The following OR9Q1 variants were observed in gnomAD, a reference collection of about 807,000 sequenced individuals.
OR9Q1 encodes olfactory receptor 9Q1.
For missense variants in OR9Q1, 374 were observed against 378.8 expected (o/e 0.99, Z 0.11); for synonymous variants, 153 against 148.6 (o/e 1.03, Z -0.22).
At chr11:58,158,565 C>A (rs1204100672) in intron 2 of OR9Q1, among the ~76,000 whole-genome samples, 1 of 152,024 alleles carries the variant, frequency 6.6e-6, no homozygotes, top group Non-Finnish European at 1.5e-5. Flanking sequence ...CCAATCCTTA[C>A]CATAAGTCTC....
At chr11:58,033,511 T>C (rs1188674852) in intron 1 of OR9Q1, among the ~76,000 whole-genome samples, 1 of 152,126 alleles carries the variant, frequency 6.6e-6, no homozygotes, top group Admixed American at 6.5e-5. Flanking sequence ...AAACTGAAAA[T>C]CAAATATTTT....
intron 2 of OR9Q1, among the ~76,000 whole-genome samples, chr11:58,159,401 C>T (rs1023829180): frequency 6.6e-6 from 1 of 151,878 alleles, no homozygotes; most frequent in African/African-American, 2.4e-5. Context: ...AGGACTTCCT[C>T]GTATGGGAAG....
intron 2 of OR9Q1, among the ~76,000 whole-genome samples, chr11:58,101,835 C>A (rs551215503): frequency 6.6e-6 from 1 of 152,180 alleles, no homozygotes; most frequent in South Asian, 2.1e-4. Flanking sequence ...CAACTTCCGC[C>A]TCCCAGGTTC....
intron 2 of OR9Q1, among the ~76,000 whole-genome samples, chr11:58,107,794 T>C (rs1402577326): frequency 1.3e-5 from 2 of 152,182 alleles, no homozygotes; most frequent in Admixed American, 6.5e-5. Flanking sequence ...GTTTTCAGTG[T>C]ACCAGAAGCA....
At chr11:58,087,634 GT>G (rs2120056812) in intron 2 of OR9Q1, among the ~76,000 whole-genome samples, 1 of 151,936 alleles carries the variant, frequency 6.6e-6, no homozygotes, top group African/African-American at 2.4e-5. Context: ...TGCCATGGTG[GT>G]TTGCTGCACC....
intron 2 of OR9Q1, chr11:58,125,238 C>CA: frequency 1.5e-5 from 1 of 68,524 alleles, no homozygotes; most frequent in Non-Finnish European, 2.6e-5. Flanking sequence ...CCTTACCCAC[C>CA]GCCCCCCCCC....
rs1369269867 is a variant in OR9Q1 at position 58,180,578 on chromosome 11, T to A, written c.*201T>A. On this transcript the variant is annotated 3_prime_UTR_variant, in exon 3 of 3. Transcript: ENST00000335397. ...TGAAAAGAGATTGGAGTGGGAGTTT[T>A]GATTCCCAGGACAAGTGACAAAAGG... 1.9e-5 allele frequency: 8 copies of A among 428,500 alleles called. No individual in the cohort carries two copies. In the East Asian group the frequency reaches 2.4e-4, roughly 13 times the overall value. 26.5% of individuals were successfully genotyped at this position (428,500 alleles called of 1,614,324 possible). A position where few individuals can be genotyped will look rare whatever the true frequency, so the allele number is the denominator to read the frequency against.
At chr11:58,167,552 A>G (rs1197270313) in intron 2 of OR9Q1, among the ~76,000 whole-genome samples, 1 of 152,188 alleles carries the variant, frequency 6.6e-6, no homozygotes, top group Non-Finnish European at 1.5e-5. Context: ...AGCATTTATT[A>G]TTGCTTAATT....
intron 2 of OR9Q1, among the ~76,000 whole-genome samples, chr11:58,120,336 A>T (rs1565082097): frequency 6.6e-6 from 1 of 152,192 alleles, no homozygotes; most frequent in African/African-American, 2.4e-5. Flanking sequence ...AAGTTCATAC[A>T]TTCATAAAAT....
chr11:58,118,644 A>G (rs777588357), intron 2 of OR9Q1: 1 of 1,613,998 alleles, frequency 6.2e-7, no homozygotes, highest in Non-Finnish European at 8.5e-7. Flanking sequence ...CTTCCTCCAG[A>G]GATTTGCCTG....
intron 2 of OR9Q1, 28 bp from the exon 3 acceptor site, chr11:58,179,403 A>G: frequency 7.4e-7 from 1 of 1,354,962 alleles, no homozygotes; most frequent in Non-Finnish European, 1.0e-6. Flanking sequence ...GCACCTTCCT[A>G]ACTTGCTTCC....
chr11:58,122,502 A>G (rs1165390183), intron 2 of OR9Q1, among the ~76,000 whole-genome samples: 2 of 152,192 alleles, frequency 1.3e-5, no homozygotes, highest in Non-Finnish European at 2.9e-5. Flanking sequence ...GTTTCTCACA[A>G]TCCATGATTT....
At chr11:58,087,475 AC>A (rs1853644767) in intron 2 of OR9Q1, among the ~76,000 whole-genome samples, 1 of 151,952 alleles carries the variant, frequency 6.6e-6, no homozygotes, top group African/African-American at 2.4e-5. Flanking sequence ...AAATGGAAGC[AC>A]TACTTTCTCA....
chr11:58,148,526 T>C (rs2119888702), intron 2 of OR9Q1, among the ~76,000 whole-genome samples: 1 of 152,278 alleles, frequency 6.6e-6, no homozygotes, highest in East Asian at 1.9e-4. Context: ...ATCAAAGCCA[T>C]GTGCAAATGA....
intron 2 of OR9Q1, among the ~76,000 whole-genome samples, chr11:58,101,789 C>A (rs1445468545): frequency 6.6e-6 from 1 of 152,098 alleles, no homozygotes; most frequent in African/African-American, 2.4e-5. Context: ...TCTTGTTGCC[C>A]AGGCTGGAGT....
rs139179075 is a variant in OR9Q1 at position 58,179,774 on chromosome 11, C to T, written c.330C>T (p.Ile110=). 2.6e-4 allele frequency: 416 copies of T among 1,614,180 alleles called. 1 individual carries two copies. The African/African-American group carries it at 4.9e-3, about 19-fold the overall frequency. Residue 110 remains isoleucine, a synonymous_variant, in exon 3 of 3, where the codon ATC becomes ATT. Transcript: ENST00000335397. ...TTCTGTTCACCTTCTTTGGTTCCATCGACTGCTACCTCTTGGCCCTCATGG... is the reference window on the plus strand; with the variant it reads ...TTCTGTTCACCTTCTTTGGTTCCATTGACTGCTACCTCTTGGCCCTCATGG... ...QFFLFTFFGS[I]DCYLLALMAY...
chr11:58,102,038 G>T (rs543876204), intron 2 of OR9Q1, among the ~76,000 whole-genome samples: 1 of 152,094 alleles, frequency 6.6e-6, no homozygotes, highest in East Asian at 1.9e-4. Flanking sequence ...GAGCCACCAC[G>T]CCCGGCCATC....
At chr11:58,062,408 C>G (rs1030589253) in intron 2 of OR9Q1, among the ~76,000 whole-genome samples, 1 of 152,134 alleles carries the variant, frequency 6.6e-6, no homozygotes, top group African/African-American at 2.4e-5. Flanking sequence ...AGTTACATTC[C>G]AGTCCTAAGG....
At chr11:58,178,526 C>G (rs1469914484) in intron 2 of OR9Q1, among the ~76,000 whole-genome samples, 1 of 152,074 alleles carries the variant, frequency 6.6e-6, no homozygotes, top group Admixed American at 6.6e-5. Context: ...GGATGTTGTT[C>G]TAATCCAGGT....
Sources: gnomAD v4.1 joint callset for allele counts (sites outside exome capture counted in the v4.1 genomes callset) on GRCh38, gnomAD v4.1.1 for gene constraint, MANE v1.5 for transcripts, NCBI Gene and HGNC (gene_info 2026-07-23, HGNC 2026-07-21) for gene names.